GSTM5: variants seen among roughly 807,000 people sequenced by gnomAD.
The protein encoded by GSTM5 is glutathione S-transferase mu 5, also known as GST class-mu 5.
A neutral mutation model predicts 29.0 loss-of-function variants in GSTM5; 24 were observed. The ratio of observed to expected loss-of-function variants is 0.83; its 90% CI spans 0.60 to 1.16. GSTM5 has a LOEUF of 1.16. GSTM5 is among the 50% of genes most tolerant of loss of function. GSTM5 has a pLI of 0.00. For synonymous variants in GSTM5, 91 were observed against 93.6 expected (o/e 0.97, Z 0.16); for missense variants, 290 against 263.0 (o/e 1.10, Z -0.71).
In GSTM5 at chr1:109,717,447, T is replaced by C. The variant is rs183054770; in HGVS notation, c.*21T>C. 6.3e-7 allele frequency: 1 copy of C among 1,585,494 alleles called. No homozygotes were observed. Among genetic ancestry groups the C allele is most frequent in the South Asian group, 1.1e-5 (1 of 90,574 alleles). On this transcript the variant is annotated 3_prime_UTR_variant, in exon 8 of 8. Transcript: ENST00000256593. ...AATAGGGCCCAGTGATGCCAGAAGA[T>C]GGGAGGGAGGAGCCAACCTTGCTGC...
intron 1 of GSTM5, 48 bp downstream of exon 1, chr1:109,712,396 T>A (rs369325436): frequency 1.3e-6 from 2 of 1,594,446 alleles, no homozygotes; most frequent in Non-Finnish European, 1.7e-6. Context: ...GAGGCGGGGA[T>A]GTGTGGAGTA....
At chr1:109,716,921 C>G (rs1648764585) in intron 7 of GSTM5, 1 of 155,838 alleles carries the variant, frequency 6.4e-6, no homozygotes, top group African/African-American at 2.4e-5. Flanking sequence ...CATGCTAGAA[C>G]TGAAGACAGA....
At position 109,717,642 on chromosome 1, in the gene GSTM5, C is replaced by T. The variant is rs1648798036; in HGVS notation, c.*216C>T. The T allele has an allele frequency of 3.9e-6, 2 of 512,430 alleles. No homozygotes were observed. Among genetic ancestry groups the T allele is most frequent in the East Asian group, 6.9e-5 (2 of 28,962 alleles). 31.7% of individuals were successfully genotyped at this position (512,430 alleles called of 1,614,324 possible). A position where few individuals can be genotyped will look rare whatever the true frequency, so the allele number is the denominator to read the frequency against. On this transcript the variant is annotated 3_prime_UTR_variant, in exon 8 of 8. Transcript: ENST00000256593. ...GCTCCCCACTGTCCTCCATCAAAGT[C>T]CCCCTCCTAACGTCTTCCTTTCCCT...
intron 5 of GSTM5, chr1:109,714,698 T>C (rs1648682097): frequency 5.4e-6 from 3 of 560,384 alleles, no homozygotes; most frequent in South Asian, 2.2e-5. Context: ...CCAGAGGCTA[T>C]TGGGAGGCCA....
intron 3 of GSTM5, 73 bp from the exon 4 acceptor site, chr1:109,713,411 C>T (rs1467809938): frequency 2.5e-6 from 4 of 1,599,538 alleles, no homozygotes; most frequent in South Asian, 1.1e-5. Context: ...TCCTCTCTGC[C>T]CTTGCATATG....
upstream of GSTM5, chr1:109,712,109 C>T (rs1648536257): frequency 1.6e-6 from 1 of 616,508 alleles, no homozygotes; most frequent in Admixed American, 2.8e-5. Flanking sequence ...GCTCCCGGAA[C>T]CCTGGGGACT....
chr1:109,715,508 A>G, intron 7 of GSTM5: 2 of 1,469,234 alleles, frequency 1.4e-6, no homozygotes, highest in South Asian at 2.9e-5. Context: ...TCCCAGAGCC[A>G]GTGGAGGCTG....
In GSTM5 at chr1:109,717,526, T is replaced by C; in HGVS notation, c.*100T>C. ...CTGGACCTGCCTTCTTCCTTTTTCC[T>C]TCTTTCTACTCTCTTCTCTTCCCCA... is the stretch of plus-strand genomic sequence containing the variant. On this transcript the variant is annotated 3_prime_UTR_variant, in exon 8 of 8. Coordinates refer to ENST00000256593, the MANE Select transcript of GSTM5 (RefSeq NM_000851.4). 3 of 810,916 alleles carry C rather than the reference T, an allele frequency of 3.7e-6. No individual in the cohort carries two copies. Among genetic ancestry groups the C allele is most frequent in the Non-Finnish European group, 6.5e-6 (3 of 461,408 alleles). The allele number at this position is 810,916 out of a possible 1,614,324, so 50.2% of individuals were successfully genotyped here.
rs1213797879 is a variant in GSTM5 at position 109,717,384 on chromosome 1, A to G, written c.615A>G (p.Arg205=). The change falls in exon 8 of 8, where the codon CGA becomes CGG. Residue 205 remains arginine, a synonymous_variant. Coordinates refer to ENST00000256593, the MANE Select transcript of GSTM5 (RefSeq NM_000851.4). ...ACATGAAGTCCAGCCAATTCCTCCG[A>G]GGTCTTTTGTTTGGAAAGTCAGCTA... ...SAYMKSSQFL[R]GLLFGKSATW... The G allele has an allele frequency of 1.2e-6, 2 of 1,613,902 alleles. No individual in the cohort carries two copies. Among genetic ancestry groups the G allele is most frequent in the African/African-American group, 2.7e-5 (2 of 74,898 alleles).
intron 5 of GSTM5, chr1:109,714,108 T>A: frequency 5.4e-6 from 1 of 186,364 alleles, no homozygotes; most frequent in Non-Finnish European, 1.1e-5. Flanking sequence ...GTACCACTCA[T>A]CCTCCAAGTG....
In GSTM5 at chr1:109,713,466, G is replaced by A. The variant is rs370304540; in HGVS notation, c.178-18G>A. ...CCTGGTGGCCCAACTGAGCTTCCCC[G>A]GTTTCCCATCTATCCAGCTGCCCTA... On this transcript the variant is annotated intron_variant, in intron 3 of 7. Coordinates refer to ENST00000256593, the MANE Select transcript of GSTM5 (RefSeq NM_000851.4). 2.6e-5 allele frequency: 42 copies of A among 1,614,082 alleles called. No individual in the cohort carries two copies. The highest frequency in any genetic ancestry group is 1.1e-4 in the African/African-American group (8 of 74,938).
intron 7 of GSTM5, chr1:109,716,035 T>A (rs997919167): frequency 4.4e-5 from 26 of 595,140 alleles, no homozygotes; most frequent in Admixed American, 2.0e-4. Flanking sequence ...CATAGATGAC[T>A]GCCCCATCCT....
chr1:109,712,219 C>T, upstream of GSTM5: 4 of 1,371,648 alleles, frequency 2.9e-6, no homozygotes, highest in East Asian at 4.6e-5. Flanking sequence ...GGGGCGGGGT[C>T]GCAGCAAGGC....
At chr1:109,712,979 T>A in intron 2 of GSTM5, 140 bp from the exon 3 acceptor site, 1 of 1,025,646 alleles carries the variant, frequency 9.7e-7, no homozygotes. Context: ...TCTTTCTCCC[T>A]GAACCCTGGG....
intron 7 of GSTM5, chr1:109,717,131 CT>C: frequency 4.2e-5 from 14 of 329,880 alleles, no homozygotes; most frequent in South Asian, 3.8e-4. Flanking sequence ...TAAATGGTAG[CT>C]GTTATTATGG....
intron 7 of GSTM5, chr1:109,717,114 T>C (rs1471214162): frequency 2.2e-6 from 1 of 459,842 alleles, no homozygotes; most frequent in East Asian, 4.0e-5. Flanking sequence ...ACAGTGTAGA[T>C]CTTTCGTAAA....
Position 109,715,006 on chromosome 1 carries a change from G to C in GSTM5, c.420G>C (p.Glu140Asp), listed in dbSNP as rs1648693301. 3 of 1,614,280 alleles carry C rather than the reference G, an allele frequency of 1.9e-6. No individual in the cohort carries two copies. Among genetic ancestry groups the C allele is most frequent in the Non-Finnish European group, 2.5e-6 (3 of 1,180,048 alleles). ...CTGAAAAGCTAAAGCTCTACTCAGA[G>C]TTTCTGGGGAAGCGGCCATGGTTTG... The part of the protein sequence containing the change: ...ELPEKLKLYS[E>D]FLGKRPWFAG... Residue 140 changes from glutamate to aspartate, a missense_variant, in exon 6 of 8, where the codon GAG (glutamate) becomes GAC (aspartate). Glu to Asp is a conservative substitution (Grantham distance 45, BLOSUM62 2). Coordinates refer to ENST00000256593, the MANE Select transcript of GSTM5 (RefSeq NM_000851.4).
At position 109,717,503 on chromosome 1, in the gene GSTM5, G is replaced by C; in HGVS notation, c.*77G>C. On this transcript the variant is annotated 3_prime_UTR_variant, in exon 8 of 8. Coordinates refer to ENST00000256593, the MANE Select transcript of GSTM5 (RefSeq NM_000851.4). The stretch of plus-strand genomic sequence containing the variant: ...ACCCTGGAGGACAGCCTGACTCCCT[G>C]GACCTGCCTTCTTCCTTTTTCCTTC... 1 of 977,766 alleles carries C rather than the reference G, an allele frequency of 1.0e-6. No homozygotes were observed. The highest frequency in any genetic ancestry group is 2.4e-5 in the East Asian group (1 of 41,780). The allele number at this position is 977,766 out of a possible 1,614,324, so 60.6% of individuals were successfully genotyped here.
chr1:109,712,608 T>A lies in GSTM5; in HGVS notation c.37-10T>A, dbSNP rs1359414507. ...CATCTCTGACCCGAGCCGCGGGCCA[T>A]CTCTCCCAGCTGGCCCACGCCATCC... On this transcript the variant is annotated splice_polypyrimidine_tract_variant and intron_variant, in intron 1 of 7. Coordinates refer to ENST00000256593, the MANE Select transcript of GSTM5 (RefSeq NM_000851.4). 6 of 1,613,286 alleles carry A rather than the reference T, an allele frequency of 3.7e-6. No homozygotes were observed. The highest frequency in any genetic ancestry group is 2.2e-5 in the South Asian group (2 of 91,056).
Sources: allele counts gnomAD v4.1 joint callset, GRCh38; gene constraint gnomAD v4.1.1; transcripts MANE v1.5; gene names NCBI Gene and HGNC (gene_info 2026-07-23, HGNC 2026-07-21).